The following PRMT3 variants were observed in gnomAD, a reference collection of about 807,000 sequenced individuals.
The protein encoded by PRMT3 is protein arginine methyltransferase 3, also known as protein arginine N-methyltransferase 3.
A neutral mutation model predicts 71.9 loss-of-function variants in PRMT3; 62 were observed. The observed-to-expected ratio is 0.86, with a 90% CI of 0.70 to 1.07. The LOEUF (loss-of-function observed/expected upper bound fraction) is 1.07. Among genes scored for constraint, PRMT3 ranks in the 50% least tolerant of loss-of-function variants. The probability of loss-of-function intolerance (pLI) is 0.00; values close to 1 mark genes in which losing one functional copy is unlikely to be tolerated. For synonymous variants in PRMT3, 213 were observed against 220.4 expected (o/e 0.97, Z 0.30); for missense variants, 663 against 643.0 (o/e 1.03, Z -0.34).
chr11:20,452,753 CATTT>C (rs1479138684), intron 11 of PRMT3, among the ~76,000 whole-genome samples: 6 of 152,156 alleles, frequency 3.9e-5, no homozygotes, highest in African/African-American at 7.2e-5. Context: ...CTCTGGAAAA[CATTT>C]AATCATATTA....
At chr11:20,476,282 G>C (rs1850782091) in intron 13 of PRMT3, among the ~76,000 whole-genome samples, 1 of 152,040 alleles carries the variant, frequency 6.6e-6, no homozygotes, top group South Asian at 2.1e-4. Context: ...GAACCCAGGA[G>C]GCAGAGGTTG....
chr11:20,506,027 A>T (rs1401283776), intron 15 of PRMT3, among the ~76,000 whole-genome samples: 1 of 152,180 alleles, frequency 6.6e-6, no homozygotes, highest in African/African-American at 2.4e-5. Context: ...CCTTGCTGAA[A>T]ATCCTAGTTC....
At position 20,493,940 on chromosome 11, in the gene PRMT3, A is replaced by T; in HGVS notation, c.1369A>T (p.Ile457Leu). ...MCTAIAGYFD[I>L]YFEKNCHNRV... ...ACAGGCAATTGCTGGCTACTTTGAT[A>T]TATATTTTGAGAAGAATTGCCACAA... Residue 457 changes from isoleucine to leucine, a missense_variant, in exon 14 of 16, where the codon ATA becomes TTA. Transcript: ENST00000331079. The T allele has an allele frequency of 1.3e-6, 2 of 1,589,548 alleles. No homozygotes were observed. Among genetic ancestry groups the T allele is most frequent in the South Asian group, 1.1e-5 (1 of 88,104 alleles).
intron 12 of PRMT3, among the ~76,000 whole-genome samples, chr11:20,463,486 C>G (rs1850434715): frequency 6.6e-6 from 1 of 151,840 alleles, no homozygotes; most frequent in Non-Finnish European, 1.5e-5. Flanking sequence ...CTCTAGTGAT[C>G]TCTGCTTAAT....
At position 20,492,494 on chromosome 11, in the gene PRMT3, G is replaced by C. The variant is rs1411836122; in HGVS notation, c.1348-1425G>C. On this transcript the variant is annotated intron_variant, in intron 13 of 15. Transcript: ENST00000331079. ...AGTGAACCTCAGGGTTAAATATTGA[G>C]TTTGGTTTGGACCTAATCCATATTA... Among the ~76,000 whole-genome samples the C allele has an allele frequency of 3.9e-5, 6 of 152,176 alleles. No homozygotes were observed. The East Asian group carries it at 1.2e-3, about 29-fold the overall frequency.
intron 10 of PRMT3, among the ~76,000 whole-genome samples, chr11:20,441,253 G>A (rs1849888878): frequency 6.7e-6 from 1 of 148,948 alleles, no homozygotes; most frequent in Non-Finnish European, 1.5e-5. Context: ...CAGACCAGAT[G>A]TTACTAACTT....
At chr11:20,467,680 T>A (rs1469399818) in intron 13 of PRMT3, among the ~76,000 whole-genome samples, 1 of 152,230 alleles carries the variant, frequency 6.6e-6, no homozygotes, top group Non-Finnish European at 1.5e-5. Context: ...GAGTTCATCC[T>A]CTTTGCAGCA....
chr11:20,418,490 T>C (rs1353355479), intron 9 of PRMT3, among the ~76,000 whole-genome samples: 1 of 152,220 alleles, frequency 6.6e-6, no homozygotes, highest in Non-Finnish European at 1.5e-5. Flanking sequence ...GTTATAGTCA[T>C]ATTTGAACAA....
intron 15 of PRMT3, among the ~76,000 whole-genome samples, chr11:20,500,663 A>G (rs1315931801): frequency 6.6e-6 from 1 of 152,212 alleles, no homozygotes; most frequent in Admixed American, 6.5e-5. Context: ...TGGTGCTAGA[A>G]CAAGTAAATA....
Position 20,404,211 on chromosome 11 carries a change from GTTTTTTTT to G in PRMT3, c.771+1261_771+1268del, listed in dbSNP as rs71063629. Among the ~76,000 whole-genome samples, 86 of 34,310 alleles carry G rather than the reference GTTTTTTTT, an allele frequency of 2.5e-3. 11 individuals carry two copies. The highest frequency in any genetic ancestry group is 6.8e-3 in the African/African-American group (51 of 7,462). 22.5% of individuals were successfully genotyped at this position (34,310 alleles called of 152,430 possible). A position where few individuals can be genotyped will look rare whatever the true frequency, so the allele number is the denominator to read the frequency against. On this transcript the variant is annotated intron_variant, in intron 8 of 15. Transcript: ENST00000331079. ...GTTACTATAGTGGAGACTTTTCATA[GTTTTTTTT>G]TTTTTTTTTTTTTTTTTTTTTTTTT...
chr11:20,438,063 C>T (rs1849801928), intron 10 of PRMT3, among the ~76,000 whole-genome samples: 1 of 152,084 alleles, frequency 6.6e-6, no homozygotes, highest in African/African-American at 2.4e-5. Context: ...CATCAGAATC[C>T]CATGAACCTT....
chr11:20,458,925 T>C (rs1467662710), intron 11 of PRMT3, among the ~76,000 whole-genome samples: 1 of 152,188 alleles, frequency 6.6e-6, no homozygotes. Context: ...TATAAAAAAG[T>C]TACCTTTAGT....
In PRMT3 at chr11:20,493,970, G is replaced by GT. The variant is rs755287412; in HGVS notation, c.1398+2dup. On this transcript the variant is annotated splice_donor_variant, in intron 14 of 15. Transcript: ENST00000331079. LOFTEE classifies it high-confidence loss of function. ...TTTTGAGAAGAATTGCCACAACAGG[G>GT]TAAGTATCATGAATTATCTCATAAG... 5.1e-6 allele frequency: 8 copies of GT among 1,583,016 alleles called. No homozygotes were observed. The African/African-American group carries it at 1.1e-4, about 21-fold the overall frequency.
intron 6 of PRMT3, 126 bp from the exon 7 acceptor site, chr11:20,397,451 T>A: frequency 1.1e-6 from 1 of 910,182 alleles, no homozygotes; most frequent in Non-Finnish European, 1.7e-6. Flanking sequence ...TTGTTCAAGA[T>A]AGAATGTGAT....
intron 11 of PRMT3, among the ~76,000 whole-genome samples, chr11:20,461,238 T>C (rs1179354816): frequency 6.6e-6 from 1 of 152,104 alleles, no homozygotes; most frequent in Admixed American, 6.6e-5. Context: ...ACACTTTCCC[T>C]CCCCACTCCC....
intron 9 of PRMT3, among the ~76,000 whole-genome samples, chr11:20,408,706 T>G (rs751487542): frequency 2.0e-4 from 30 of 152,168 alleles, no homozygotes; most frequent in African/African-American, 6.0e-4. Context: ...ATTTGGAACT[T>G]AGGAGTCATT....
At chr11:20,506,652 T>A (rs1264778679) in intron 15 of PRMT3, among the ~76,000 whole-genome samples, 1 of 152,228 alleles carries the variant, frequency 6.6e-6, no homozygotes, top group African/African-American at 2.4e-5. Flanking sequence ...TGTATTTTTT[T>A]AAATACGATA....
At position 20,488,546 on chromosome 11, in the gene PRMT3, ATCC is replaced by A. The variant is rs1244084511; in HGVS notation, c.1348-5368_1348-5366del. On this transcript the variant is annotated intron_variant, in intron 13 of 15. Transcript: ENST00000331079. The stretch of plus-strand genomic sequence containing the variant: ...GGATAAACTCCATCAAAAGCACATT[ATCC>A]TCCTACTTCTGTGGCCAGCTGCCTA... Among the ~76,000 whole-genome samples, 141 of 152,204 alleles carry A rather than the reference ATCC, an allele frequency of 9.3e-4. 2 individuals are homozygous for A. The highest frequency in any genetic ancestry group is 2.1e-4 in the Non-Finnish European group (14 of 68,022).
Position 20,393,060 on chromosome 11 carries a change from T to C in PRMT3, c.400+61T>C, listed in dbSNP as rs940440715. On this transcript the variant is annotated intron_variant, in intron 5 of 15. Coordinates refer to ENST00000331079, the MANE Select transcript of PRMT3 (RefSeq NM_005788.4). ...ATAAGGCCGTTTGTTAACGGCAAAA[T>C]GGAGGTAGAGTGTTTTAGGAAAAGA... is the stretch of plus-strand genomic sequence containing the variant. The C allele has an allele frequency of 4.8e-6, 5 of 1,044,860 alleles. No individual in the cohort carries two copies. In the African/African-American group the frequency reaches 8.0e-5, roughly 17 times the overall value. The allele number at this position is 1,044,860 out of a possible 1,614,324, so 64.7% of individuals were successfully genotyped here.
Sources: allele counts gnomAD v4.1 joint callset (sites outside exome capture counted in the v4.1 genomes callset), GRCh38; gene constraint gnomAD v4.1.1; transcripts MANE v1.5; gene names NCBI Gene and HGNC (gene_info 2026-07-23, HGNC 2026-07-21).